Variants in PTPN13 observed in about 807,000 individuals in gnomAD.
PTPN13 encodes the protein protein tyrosine phosphatase non-receptor type 13, also known as tyrosine-protein phosphatase non-receptor type 13.
Under a neutral mutation model 284.0 loss-of-function variants are expected in PTPN13, and 191 were observed. The observed-to-expected ratio is 0.67, with a 90% CI of 0.60 to 0.76. The LOEUF is 0.76. Among genes scored for constraint, PTPN13 ranks in the 30% least tolerant of loss-of-function variants. The pLI is 0.00. For missense variants in PTPN13, 2,797 were observed against 2,939.9 expected, an observed-to-expected ratio of 0.95 and a Z score of 1.12; for synonymous variants, 986 against 1,022.3, an observed-to-expected ratio of 0.96 and a Z score of 0.68.
intron 28 of PTPN13, among the ~76,000 whole-genome samples, chr4:86,768,918 C>G (rs1177127757): frequency 6.6e-6 from 1 of 151,954 alleles, no homozygotes; most frequent in Non-Finnish European, 1.5e-5. Flanking sequence ...CCATGTTGGC[C>G]AAACTGGTCT....
intron 1 of PTPN13, 129 bp from the exon 2 acceptor site, chr4:86,635,122 AT>A (rs1247762339): frequency 2.0e-6 from 2 of 989,994 alleles, no homozygotes; most frequent in Non-Finnish European, 1.5e-6. Context: ...TAACATTTAG[AT>A]TGGTAGCCAT....
intron 1 of PTPN13, among the ~76,000 whole-genome samples, chr4:86,633,238 G>A (rs140137321): frequency 8.3e-4 from 127 of 152,200 alleles, no homozygotes; most frequent in Admixed American, 1.5e-3. Flanking sequence ...CTGTGTGGCC[G>A]TGCTTCCTTG....
chr4:86,652,909 C>CT (rs1725260836), intron 2 of PTPN13, among the ~76,000 whole-genome samples: 1 of 151,810 alleles, frequency 6.6e-6, no homozygotes, highest in East Asian at 1.9e-4. Context: ...TTTTCCAGAT[C>CT]TCGTAGCCAT....
intron 17 of PTPN13, among the ~76,000 whole-genome samples, 152 bp from the exon 18 acceptor site, chr4:86,750,318 T>C (rs760049122): frequency 6.6e-6 from 1 of 152,142 alleles, no homozygotes; most frequent in African/African-American, 2.4e-5. Flanking sequence ...ACCCTCCTTT[T>C]TAAAACCCTG....
chr4:86,639,588 A>G (rs982783511), intron 2 of PTPN13, among the ~76,000 whole-genome samples: 4 of 151,938 alleles, frequency 2.6e-5, no homozygotes, highest in African/African-American at 9.7e-5. Context: ...ACAAAAAACC[A>G]AACACCGCCA....
intron 23 of PTPN13, among the ~76,000 whole-genome samples, chr4:86,760,812 G>A (rs1487211066): frequency 1.3e-5 from 2 of 151,966 alleles, no homozygotes; most frequent in East Asian, 3.9e-4. Flanking sequence ...CAGAAAGTAG[G>A]TGAATCTTAT....
chr4:86,625,490 A>C (rs184962716), intron 1 of PTPN13, among the ~76,000 whole-genome samples: 9 of 152,212 alleles, frequency 5.9e-5, no homozygotes, highest in African/African-American at 2.2e-4. Flanking sequence ...ATGATATTTA[A>C]CACAATATAT....
At chr4:86,781,279 T>A (rs1208893133) in intron 36 of PTPN13, among the ~76,000 whole-genome samples, 1 of 150,656 alleles carries the variant, frequency 6.6e-6, no homozygotes, top group Non-Finnish European at 1.5e-5. Flanking sequence ...TGTTTTGTTA[T>A]AAAGTTTTCC....
chr4:86,705,353 T>C (rs1011681132), intron 7 of PTPN13, among the ~76,000 whole-genome samples: 3 of 116,744 alleles, frequency 2.6e-5, no homozygotes, highest in Admixed American at 8.6e-5. Context: ...AAAAAAGACA[T>C]GCGCAAACAA....
In PTPN13 at chr4:86,782,230, C is replaced by T; in HGVS notation, c.5992C>T (p.Pro1998Ser). 1 of 1,609,990 alleles carries T rather than the reference C, an allele frequency of 6.2e-7. No individual in the cohort carries two copies. Among genetic ancestry groups the T allele is most frequent in the African/African-American group, 1.3e-5 (1 of 74,936 alleles). Reference sequence around the variant, plus strand: ...CTACAGTGTGGGGTCTTGCAGCCAGCCTGCCCTCACTCCTAATGATTCATT... The same window carrying T: ...CTACAGTGTGGGGTCTTGCAGCCAGTCTGCCCTCACTCCTAATGATTCATT... ...GSYSVGSCSQ[P>S]ALTPNDSFST... Residue 1998 changes from proline to serine, a missense_variant, in exon 37 of 48, where the codon CCT (proline) becomes TCT (serine). By Grantham distance (74) the Pro-to-Ser change is moderately conservative (BLOSUM62 -1). Coordinates refer to ENST00000411767, the MANE Select transcript of PTPN13 (RefSeq NM_080683.3).
chr4:86,619,029 A>G (rs1394777024), intron 1 of PTPN13, among the ~76,000 whole-genome samples: 2 of 152,142 alleles, frequency 1.3e-5, no homozygotes, highest in Non-Finnish European at 2.9e-5. Flanking sequence ...GAATGCTTCC[A>G]GTTTTTGCCC....
intron 40 of PTPN13, among the ~76,000 whole-genome samples, chr4:86,789,910 C>T (rs760989733): frequency 6.0e-5 from 9 of 150,658 alleles, no homozygotes; most frequent in Non-Finnish European, 1.2e-4. Flanking sequence ...CTTCCACACA[C>T]AGTGTGGAAG....
chr4:86,761,685 C>T (rs1262936940), intron 23 of PTPN13, among the ~76,000 whole-genome samples: 2 of 152,134 alleles, frequency 1.3e-5, no homozygotes, highest in East Asian at 3.9e-4. Flanking sequence ...CATATATTTA[C>T]TATTTGTATT....
intron 30 of PTPN13, 73 bp from the exon 31 acceptor site, chr4:86,771,098 T>A: frequency 6.9e-7 from 1 of 1,443,302 alleles, no homozygotes; most frequent in Non-Finnish European, 9.2e-7. Context: ...AGTTGTTCAA[T>A]GGTTTATTTT....
intron 1 of PTPN13, among the ~76,000 whole-genome samples, chr4:86,632,574 C>G (rs1456650508): frequency 6.6e-6 from 1 of 152,092 alleles, no homozygotes; most frequent in Non-Finnish European, 1.5e-5. Flanking sequence ...CTCTAGCCCT[C>G]AGCCTAGTTT....
At chr4:86,610,368 A>G (rs1357014693) in intron 1 of PTPN13, among the ~76,000 whole-genome samples, 5 of 152,238 alleles carry the variant, frequency 3.3e-5, no homozygotes, top group Non-Finnish European at 7.3e-5. Context: ...CCTTTAGAGA[A>G]ATTAGAAATT....
At position 86,711,098 on chromosome 4, in the gene PTPN13, C is replaced by CTTTTTTTTTTTTTTTT. The variant is rs58186398; in HGVS notation, c.1196-5428_1196-5413dup. Reference sequence around the variant, plus strand: ...GCCACCACACCTGGTTAATTATTGCCTTTTTTTTTTTTTTTTTTTGGAGAG... The same window carrying CTTTTTTTTTTTTTTTT: ...GCCACCACACCTGGTTAATTATTGCCTTTTTTTTTTTTTTTTTTTTTTTTTTTTTTTTTTTGGAGAG... On this transcript the variant is annotated intron_variant, in intron 7 of 47. Transcript: ENST00000411767. Among the ~76,000 whole-genome samples the CTTTTTTTTTTTTTTTT allele has an allele frequency of 1.7e-3, 161 of 97,080 alleles. 6 individuals are homozygous for CTTTTTTTTTTTTTTTT. Among genetic ancestry groups the CTTTTTTTTTTTTTTTT allele is most frequent in the East Asian group, 3.4e-3 (11 of 3,214 alleles). The allele number at this position is 97,080 out of a possible 152,430, so 63.7% of individuals were successfully genotyped here.
At chr4:86,699,350 C>T (rs1730899845) in intron 6 of PTPN13, among the ~76,000 whole-genome samples, 1 of 151,796 alleles carries the variant, frequency 6.6e-6, no homozygotes, top group Non-Finnish European at 1.5e-5. Context: ...GGCGCCACTG[C>T]ACTCGAGCCT....
chr4:86,625,711 G>A (rs1289024989), intron 1 of PTPN13, among the ~76,000 whole-genome samples: 1 of 152,070 alleles, frequency 6.6e-6, no homozygotes, highest in African/African-American at 2.4e-5. Flanking sequence ...CCTGGTCGTT[G>A]GCTGGGATAC....
Sources: allele counts gnomAD v4.1 joint callset (sites outside exome capture counted in the v4.1 genomes callset), GRCh38; gene constraint gnomAD v4.1.1; transcripts MANE v1.5; gene names NCBI Gene and HGNC (gene_info 2026-07-23, HGNC 2026-07-21).